FAAH2: variants seen among roughly 807,000 people sequenced by gnomAD.
FAAH2 encodes fatty acid amide hydrolase 2.
In FAAH2, 60 loss-of-function variants were observed where a neutral mutation model predicts 36.9. The ratio of observed to expected loss-of-function variants is 1.63; its 90% confidence interval spans 1.32 to 2.02. The LOEUF (loss-of-function observed/expected upper bound fraction) is 2.02, where lower values mean the gene tolerates loss of function less well. FAAH2 is among the 30% of genes most tolerant of loss of function. The pLI is 0.00. For synonymous variants in FAAH2, 214 were observed against 143.8 expected (o/e 1.49, Z -3.49); for missense variants, 689 against 397.5 (o/e 1.73, Z -6.23).
chrX:57,420,401 A>T (rs1055158789), intron 7 of FAAH2, among the ~76,000 whole-genome samples: 20 of 111,507 alleles, frequency 1.8e-4, no homozygotes, highest in African/African-American at 6.2e-4. Flanking sequence ...TTCCTTGAGC[A>T]GTGGTTCGTA....
At chrX:57,181,990 T>G in the FAAH2 span, among the ~76,000 whole-genome samples, 5 of 112,200 alleles carry the variant, frequency 4.5e-5, no homozygotes, top group African/African-American at 1.6e-4. Flanking sequence ...AAACCCTCCC[T>G]GTTCAATAAA....
chrX:57,439,775 T>G (rs2056506642), intron 8 of FAAH2, among the ~76,000 whole-genome samples: 1 of 112,049 alleles, frequency 8.9e-6, no homozygotes, highest in African/African-American at 3.2e-5. Flanking sequence ...AACTAATTTT[T>G]GCATAAGGTG....
chrX:57,232,099 G>A, the FAAH2 span, among the ~76,000 whole-genome samples: 2 of 111,812 alleles, frequency 1.8e-5, no homozygotes, highest in African/African-American at 3.2e-5. Flanking sequence ...GGATTGAACT[G>A]ATATCTGTAT....
chrX:57,476,137 T>C (rs1350151858), intron 10 of FAAH2, among the ~76,000 whole-genome samples: 1 of 111,748 alleles, frequency 8.9e-6, no homozygotes, highest in African/African-American at 3.3e-5. Flanking sequence ...TAACGTCATC[T>C]GCAAACAGAG....
chrX:57,404,279 T>C (rs1471266393), intron 7 of FAAH2, among the ~76,000 whole-genome samples: 2 of 112,437 alleles, frequency 1.8e-5, no homozygotes, highest in African/African-American at 6.5e-5. Context: ...TAGGGTACAC[T>C]ATTTTTTCTT....
chrX:57,177,622 T>A, the FAAH2 span, among the ~76,000 whole-genome samples: 9 of 54,680 alleles, frequency 1.6e-4, no homozygotes, highest in Admixed American at 2.4e-4. Flanking sequence ...ATACCTCCAA[T>A]AAATGAAACC....
At chrX:57,146,850 T>A in the FAAH2 span, among the ~76,000 whole-genome samples, 1 of 112,112 alleles carries the variant, frequency 8.9e-6, no homozygotes, top group African/African-American at 3.2e-5. Flanking sequence ...TAATTCTGTT[T>A]ATGGGGTGTA....
chrX:57,467,113 T>C (rs1390622655), intron 10 of FAAH2, among the ~76,000 whole-genome samples: 1 of 111,244 alleles, frequency 9.0e-6, no homozygotes, highest in Non-Finnish European at 1.9e-5. Flanking sequence ...ATTAAATAAG[T>C]TGATTTGGGT....
At chrX:57,124,825 G>C in the FAAH2 span, among the ~76,000 whole-genome samples, 1 of 111,968 alleles carries the variant, frequency 8.9e-6, no homozygotes, top group Admixed American at 9.5e-5. Context: ...TGATGTATAA[G>C]AATGCTTGTG....
the FAAH2 span, among the ~76,000 whole-genome samples, chrX:57,190,417 G>A: frequency 1.2e-3 from 119 of 100,132 alleles, 1 homozygote; most frequent in African/African-American, 3.8e-3. Flanking sequence ...GTTTTGTCTC[G>A]CTTGGGTTCC....
At chrX:57,394,764 G>T (rs1280967689) in intron 7 of FAAH2, 4 of 920,824 alleles carry the variant, frequency 4.3e-6, no homozygotes, top group Admixed American at 4.4e-5. Flanking sequence ...ACCATTTCAG[G>T]CCGACCAGTT....
chrX:57,158,406 C>A, the FAAH2 span, among the ~76,000 whole-genome samples: 16 of 111,956 alleles, frequency 1.4e-4, no homozygotes, highest in Admixed American at 2.8e-4. Flanking sequence ...AGTTCGAGAT[C>A]CCTGAGGAAT....
the FAAH2 span, among the ~76,000 whole-genome samples, chrX:57,243,938 A>C: frequency 9.1e-6 from 1 of 109,798 alleles, no homozygotes; most frequent in Non-Finnish European, 1.9e-5. Context: ...GGTGGATAAT[A>C]ACAAACTCCT....
the FAAH2 span, among the ~76,000 whole-genome samples, chrX:57,189,277 G>A: frequency 2.7e-5 from 3 of 110,014 alleles, no homozygotes; most frequent in African/African-American, 9.9e-5. Context: ...ATTATAGTTA[G>A]CATTTCCTGT....
the FAAH2 span, among the ~76,000 whole-genome samples, chrX:57,214,497 G>A: frequency 1.3e-4 from 15 of 111,201 alleles, no homozygotes; most frequent in Non-Finnish European, 2.3e-4. Context: ...TGCGATCTCA[G>A]CTCACTGCAA....
At chrX:57,462,547 G>C (rs773191009) in intron 10 of FAAH2, among the ~76,000 whole-genome samples, 1 of 111,944 alleles carries the variant, frequency 8.9e-6, no homozygotes, top group Non-Finnish European at 1.9e-5. Context: ...AAGAGAACCA[G>C]TGATAAAAAA....
At chrX:57,436,527 A>G (rs764251691) in intron 8 of FAAH2, among the ~76,000 whole-genome samples, 1 of 109,468 alleles carries the variant, frequency 9.1e-6, no homozygotes, top group East Asian at 2.8e-4. Flanking sequence ...ATCAGAAATG[A>G]AAAAAGAGAG....
the FAAH2 span, among the ~76,000 whole-genome samples, chrX:57,194,619 G>A: frequency 0.025 from 2,804 of 110,019 alleles, 80 homozygotes; most frequent in African/African-American, 0.088. Context: ...TTTTTGAGGA[G>A]CAGGTGATGT....
At chrX:57,295,654 G>A (rs973200677) in intron 2 of FAAH2, among the ~76,000 whole-genome samples, 1 of 112,218 alleles carries the variant, frequency 8.9e-6, no homozygotes, top group Admixed American at 9.4e-5. Context: ...GCAGCAGGGC[G>A]AGGCATCACC....
Sources: allele counts gnomAD v4.1 joint callset (sites outside exome capture counted in the v4.1 genomes callset), GRCh38; gene constraint gnomAD v4.1.1; transcripts MANE v1.5; gene names NCBI Gene and HGNC (gene_info 2026-07-23, HGNC 2026-07-21).